The following IL13RA2 variants were observed in gnomAD, a reference collection of about 807,000 sequenced individuals.
IL13RA2 encodes interleukin 13 receptor subunit alpha 2.
In IL13RA2, 25 loss-of-function variants were observed where a neutral mutation model predicts 34.1. That is an observed-to-expected ratio of 0.73 (90% CI 0.53 to 1.03). IL13RA2 has a LOEUF of 1.03. Among genes scored for constraint, IL13RA2 ranks in the 50% least tolerant of loss-of-function variants. IL13RA2 has a pLI of 0.00. For missense variants in IL13RA2, 297 were observed against 280.9 expected, an observed-to-expected ratio of 1.06 and a Z score of -0.41; for synonymous variants, 106 against 100.4, an observed-to-expected ratio of 1.06 and a Z score of -0.33.
intron 9 of IL13RA2, among the ~76,000 whole-genome samples, chrX:115,004,762 G>C (rs2071678291): frequency 1.8e-5 from 2 of 111,959 alleles, no homozygotes; most frequent in Non-Finnish European, 3.8e-5. Context: ...TATGGATCCT[G>C]TCTCCCTTAA....
intron 9 of IL13RA2, 107 bp from the exon 10 acceptor site, chrX:115,004,213 A>C: frequency 6.3e-6 from 3 of 473,352 alleles, no homozygotes; most frequent in Non-Finnish European, 7.5e-6. Context: ...AAACAAAGTG[A>C]AGCATTCTAT....
At chrX:115,004,178 G>A in intron 9 of IL13RA2, 72 bp from the exon 10 acceptor site, 1 of 573,630 alleles carries the variant, frequency 1.7e-6, no homozygotes, top group Non-Finnish European at 3.0e-6. Context: ...TAACAACTCA[G>A]AGAATAAGCA....
intron 6 of IL13RA2, 98 bp from the exon 7 acceptor site, chrX:115,009,764 G>T (rs1392737040): frequency 2.8e-6 from 2 of 707,250 alleles, no homozygotes; most frequent in African/African-American, 4.3e-5. Flanking sequence ...GAAACCTCCA[G>T]GGATAAACCA....
intron 5 of IL13RA2, among the ~76,000 whole-genome samples, chrX:115,011,751 A>G (rs1232060469): frequency 1.8e-5 from 2 of 112,158 alleles, no homozygotes; most frequent in Non-Finnish European, 3.8e-5. Flanking sequence ...TTAACTCCAT[A>G]CAGACTTACT....
rs2071715121 is a variant in IL13RA2 at position 115,013,679 on chromosome X, T to A, written c.521+90A>T. On this transcript the variant is annotated intron_variant, in intron 5 of 9. Transcript: ENST00000243213. ...TACAACTCTGACAAGTATAATGAAT[T>A]TAACTTAGTGAAAATATAGTTTACT... is the stretch of plus-strand genomic sequence containing the variant. 25 of 510,781 alleles carry A rather than the reference T, an allele frequency of 4.9e-5. No homozygotes were observed. In the South Asian group the frequency reaches 7.4e-4, roughly 15 times the overall value. 42.1% of individuals were successfully genotyped at this position (510,781 alleles called of 1,213,427 possible).
intron 8 of IL13RA2, 111 bp from the exon 9 acceptor site, chrX:115,005,426 T>G (rs1341998158): frequency 1.9e-6 from 1 of 525,700 alleles, no homozygotes; most frequent in Non-Finnish European, 3.4e-6. Context: ...GAAACCCCTG[T>G]CATATTTGCC....
chrX:115,005,870 G>A (rs1180837398), intron 8 of IL13RA2, among the ~76,000 whole-genome samples: 1 of 112,110 alleles, frequency 8.9e-6, no homozygotes. Context: ...TGCTTTGTTA[G>A]TTTAGGGATG....
At position 115,011,808 on chromosome X, in the gene IL13RA2, T is replaced by G. The variant is rs1940970409; in HGVS notation, c.522-980A>C. Among the ~76,000 whole-genome samples, 5 of 112,147 alleles carry G rather than the reference T, an allele frequency of 4.5e-5. No homozygotes were observed. In the South Asian group the frequency reaches 1.9e-3, roughly 42 times the overall value. ...TATTTTCCAATCTCTAAAATGTTAA[T>G]GTTTATTCCTCCCTATTTCACCAAG... On this transcript the variant is annotated intron_variant, in intron 5 of 9. Transcript: ENST00000243213.
intron 2 of IL13RA2, among the ~76,000 whole-genome samples, chrX:115,016,661 A>G (rs1156536000): frequency 1.1e-5 from 1 of 88,445 alleles, no homozygotes; most frequent in Non-Finnish European, 2.6e-5. Flanking sequence ...TATATAATAT[A>G]ATAATATACT....
At chrX:115,011,676 T>A (rs989811948) in intron 5 of IL13RA2, among the ~76,000 whole-genome samples, 1 of 111,628 alleles carries the variant, frequency 9.0e-6, no homozygotes, top group Non-Finnish European at 1.9e-5. Context: ...TTAGGGAGAG[T>A]TTGCAAAATT....
At chrX:115,014,783 T>C (rs193015916) in intron 3 of IL13RA2, among the ~76,000 whole-genome samples, 40 of 111,672 alleles carry the variant, frequency 3.6e-4, no homozygotes, top group African/African-American at 1.2e-3. Flanking sequence ...ATTTGAATCT[T>C]AACATCTAAT....
In IL13RA2 at chrX:115,013,343, T is replaced by A. The variant is rs924454574; in HGVS notation, c.521+426A>T. On this transcript the variant is annotated intron_variant, in intron 5 of 9. Coordinates refer to ENST00000243213, the MANE Select transcript of IL13RA2 (RefSeq NM_000640.3). ...TGGTGATCATGTTACCCTAAAACAA[T>A]TAAGAAATTAAGAAGATACACGAGT... is the stretch of plus-strand genomic sequence containing the variant. 3.6e-5 allele frequency among the ~76,000 whole-genome samples: 4 copies of A among 110,562 alleles called. No homozygotes were observed. In the Admixed American group the frequency reaches 3.9e-4, roughly 11 times the overall value.
intron 8 of IL13RA2, 121 bp downstream of exon 8, chrX:115,007,811 C>A: frequency 2.1e-6 from 1 of 465,593 alleles, no homozygotes; most frequent in Non-Finnish European, 3.5e-6. Context: ...CTAACTTATT[C>A]TCTCTGTTCA....
intron 9 of IL13RA2, 150 bp from the exon 10 acceptor site, chrX:115,004,256 T>C: frequency 5.2e-6 from 2 of 387,062 alleles, no homozygotes; most frequent in Non-Finnish European, 9.1e-6. Context: ...CTTGAAAAGA[T>C]ATGGCATTGA....
intron 5 of IL13RA2, among the ~76,000 whole-genome samples, chrX:115,012,714 G>A (rs1159607249): frequency 4.5e-5 from 5 of 110,238 alleles, no homozygotes; most frequent in Admixed American, 1.9e-4. Flanking sequence ...GCAGTGAGCC[G>A]AGATGGCACC....
chrX:115,011,419 T>C (rs1230411681), intron 5 of IL13RA2, among the ~76,000 whole-genome samples: 1 of 111,963 alleles, frequency 8.9e-6, no homozygotes, highest in East Asian at 2.8e-4. Flanking sequence ...ATGAGAAATG[T>C]TACCATATCA....
At position 115,014,408 on chromosome X, in the gene IL13RA2, G is replaced by A. The variant is rs781808375; in HGVS notation, c.400+13C>T. 4.4e-6 allele frequency: 5 copies of A among 1,146,993 alleles called. No homozygotes were observed. The South Asian group carries it at 9.8e-5, about 22-fold the overall frequency. 94.5% of individuals were successfully genotyped at this position (1,146,993 alleles called of 1,213,427 possible). A position where few individuals can be genotyped will look rare whatever the true frequency, so the allele number is the denominator to read the frequency against. On this transcript the variant is annotated intron_variant, in intron 4 of 9. Transcript: ENST00000243213. ...TGATAGTATTAAATATGAAAAGAGA[G>A]CTTTGTTTTAACCTTGTGGTGATAT... is the stretch of plus-strand genomic sequence containing the variant.
chrX:115,010,782 C>T lies in IL13RA2; in HGVS notation c.568G>A (p.Ala190Thr). 1 of 1,138,902 alleles carries T rather than the reference C, an allele frequency of 8.8e-7. No individual in the cohort carries two copies. Among genetic ancestry groups the T allele is most frequent in the South Asian group, 2.0e-5 (1 of 50,321 alleles). 93.9% of individuals were successfully genotyped at this position (1,138,902 alleles called of 1,213,427 possible). A position where few individuals can be genotyped will look rare whatever the true frequency, so the allele number is the denominator to read the frequency against. Reference sequence around the variant, plus strand: ...CTGCATCCTATATTTTGTCCATCAGCCTTGATGTAATCAACACACTGTAAT... The same window carrying T: ...CTGCATCCTATATTTTGTCCATCAGTCTTGATGTAATCAACACACTGTAAT... ...HALQCVDYIK[A>T]DGQNIGCRFP... Residue 190 changes from alanine to threonine, a missense_variant, in exon 6 of 10, where the codon GCT becomes ACT. By Grantham distance (58) the Ala-to-Thr change is moderately conservative. Coordinates refer to ENST00000243213, the MANE Select transcript of IL13RA2 (RefSeq NM_000640.3).
intron 7 of IL13RA2, 106 bp from the exon 8 acceptor site, chrX:115,008,182 C>G: frequency 1.8e-6 from 1 of 558,952 alleles, no homozygotes; most frequent in Non-Finnish European, 3.0e-6. Context: ...AAAATCTATG[C>G]AATCTATGCA....
Sources: allele counts gnomAD v4.1 joint callset (sites outside exome capture counted in the v4.1 genomes callset), GRCh38; gene constraint gnomAD v4.1.1; transcripts MANE v1.5; gene names NCBI Gene and HGNC (gene_info 2026-07-23, HGNC 2026-07-21).